The following BRINP1 variants were observed in gnomAD, a reference collection of about 807,000 sequenced individuals.
BRINP1 encodes BMP/retinoic acid inducible neural specific 1, also known as BMP/retinoic acid-inducible neural-specific protein 1.
In BRINP1, 17 loss-of-function variants were observed where a neutral mutation model predicts 72.9. The ratio of observed to expected loss-of-function variants is 0.23; its 90% CI spans 0.16 to 0.35. The LOEUF (loss-of-function observed/expected upper bound fraction) is 0.35. Among genes scored for constraint, BRINP1 ranks in the 10% least tolerant of loss-of-function variants. The pLI is 1.00. For synonymous variants in BRINP1, 418 were observed against 378.5 expected, an observed-to-expected ratio of 1.10 and a Z score of -1.21; for missense variants, 850 against 1,001.6, an observed-to-expected ratio of 0.85 and a Z score of 2.04.
chr9:119,291,873 C>G (rs1366026562), intron 2 of BRINP1, among the ~76,000 whole-genome samples: 1 of 152,202 alleles, frequency 6.6e-6, no homozygotes, highest in African/African-American at 2.4e-5. Context: ...GACCTTCTCT[C>G]TAACATCCTC....
chr9:119,228,830 A>T (rs191648895), intron 5 of BRINP1, among the ~76,000 whole-genome samples: 31 of 152,120 alleles, frequency 2.0e-4, no homozygotes, highest in African/African-American at 7.2e-4. Context: ...GGAATTTGGG[A>T]CCCCACGAAT....
At chr9:119,178,541 G>C (rs1403207546) in intron 7 of BRINP1, among the ~76,000 whole-genome samples, 1 of 152,148 alleles carries the variant, frequency 6.6e-6, no homozygotes, top group Non-Finnish European at 1.5e-5. Flanking sequence ...AGTTATCATG[G>C]ATAGTCATAA....
chr9:119,314,802 A>G (rs1158852609), intron 1 of BRINP1, among the ~76,000 whole-genome samples: 2 of 152,188 alleles, frequency 1.3e-5, no homozygotes, highest in African/African-American at 4.8e-5. Context: ...GGTTAATAAT[A>G]GCACCTACAC....
At chr9:119,170,075 T>G (rs1829384723) in intron 7 of BRINP1, among the ~76,000 whole-genome samples, 1 of 151,942 alleles carries the variant, frequency 6.6e-6, no homozygotes, top group South Asian at 2.1e-4. Context: ...GCAGAGCGCC[T>G]CTCCTCCTCC....
chr9:119,233,018 C>T (rs1830161864), intron 5 of BRINP1, among the ~76,000 whole-genome samples: 2 of 111,696 alleles, frequency 1.8e-5, no homozygotes, highest in South Asian at 6.3e-4. Flanking sequence ...CAATCCTGTT[C>T]TTTCTTTTTT....
At chr9:119,184,157 CCAAGTGAGTCAAT>C (rs1829588577) in intron 7 of BRINP1, among the ~76,000 whole-genome samples, 2 of 152,118 alleles carry the variant, frequency 1.3e-5, no homozygotes, top group African/African-American at 4.8e-5. Flanking sequence ...CTTGCATCAG[CCAAGTGAGTCAAT>C]TGCCCTACTT....
At chr9:119,284,431 CT>C (rs930578249) in intron 2 of BRINP1, among the ~76,000 whole-genome samples, 2 of 152,298 alleles carry the variant, frequency 1.3e-5, no homozygotes, top group African/African-American at 4.8e-5. Context: ...GATGTTGAAG[CT>C]TTAGGAGCCT....
At chr9:119,315,653 T>C (rs193110788) in intron 1 of BRINP1, among the ~76,000 whole-genome samples, 19 of 152,338 alleles carry the variant, frequency 1.2e-4, no homozygotes, top group African/African-American at 4.3e-4. Flanking sequence ...AAAGGCAAGA[T>C]AGGCTGGAAG....
At position 119,203,835 on chromosome 9, in the gene BRINP1, G is replaced by T. The variant is rs1180042920; in HGVS notation, c.1145+4884C>A. 3.3e-5 allele frequency among the ~76,000 whole-genome samples: 5 copies of T among 152,030 alleles called. No homozygotes were observed. In the East Asian group the frequency reaches 9.6e-4, roughly 29 times the overall value. ...TCCCTATATCTGATAGTCACCTCTA[G>T]CTCCAATTCTACTCAATTGCTATTG... On this transcript the variant is annotated intron_variant, in intron 7 of 7. Transcript: ENST00000265922.
chr9:119,261,516 A>C (rs76764987), intron 2 of BRINP1, among the ~76,000 whole-genome samples: 5,293 of 152,214 alleles, frequency 0.035, 298 homozygotes, highest in African/African-American at 0.12. Flanking sequence ...CTACTCCCAA[A>C]GTCTGAATTT....
chr9:119,167,539 A>G lies in BRINP1; in HGVS notation c.1831T>C (p.Phe611Leu), dbSNP rs1216887101. The stretch of plus-strand genomic sequence containing the variant: ...AGGTAGATGTGGACCGTCTCGAAAA[A>G]TGTTTTCCACCGATTGCCCAGCAAA... ...TLLLGNRWKT[F>L]FETVHIYLRS... Residue 611 changes from phenylalanine (F) to leucine (L), a missense_variant, in exon 8 of 8, where the codon TTT (phenylalanine) becomes CTT (leucine). Coordinates refer to ENST00000265922, the MANE Select transcript of BRINP1 (RefSeq NM_014618.3). This position sits in a 1 kb window ranked among gnomAD's most constrained non-coding sequence, Gnocchi z 4.3. 1 of 1,614,104 alleles carries G rather than the reference A, an allele frequency of 6.2e-7. No individual in the cohort carries two copies. Among genetic ancestry groups the G allele is most frequent in the African/African-American group, 1.3e-5 (1 of 75,032 alleles).
intron 2 of BRINP1, among the ~76,000 whole-genome samples, chr9:119,281,908 T>C (rs1830716654): frequency 6.6e-6 from 1 of 152,320 alleles, no homozygotes; most frequent in East Asian, 1.9e-4. Context: ...TATTGACAGG[T>C]ATTCAGCTTG....
At chr9:119,304,926 G>A (rs745355858) in intron 2 of BRINP1, among the ~76,000 whole-genome samples, 7 of 152,048 alleles carry the variant, frequency 4.6e-5, no homozygotes, top group Admixed American at 2.6e-4. Flanking sequence ...CTTTATATCC[G>A]TGCATGTCAG....
intron 1 of BRINP1, among the ~76,000 whole-genome samples, chr9:119,362,477 T>C (rs1166152293): frequency 6.6e-6 from 1 of 152,186 alleles, no homozygotes. Context: ...TCATGAATGA[T>C]AATTATTTAT....
chr9:119,284,137 C>G lies in BRINP1; in HGVS notation c.218+29001G>C, dbSNP rs554922396. 2.0e-5 allele frequency among the ~76,000 whole-genome samples: 3 copies of G among 152,290 alleles called. No homozygotes were observed. In the South Asian group the frequency reaches 6.2e-4, roughly 32 times the overall value. On this transcript the variant is annotated intron_variant, in intron 2 of 7. Transcript: ENST00000265922. ...CTCCACTCCCCTCCCATCTGGGTTT[C>G]GCTTTTTGCTCCTTTCTGCATCGCT...
intron 2 of BRINP1, among the ~76,000 whole-genome samples, chr9:119,280,081 T>A (rs1830694118): frequency 6.6e-6 from 1 of 152,136 alleles, no homozygotes; most frequent in Non-Finnish European, 1.5e-5. Context: ...TAGTAGATGA[T>A]CTTGGCAGAA....
At chr9:119,221,826 G>T (rs755181281) in intron 5 of BRINP1, among the ~76,000 whole-genome samples, 1 of 151,892 alleles carries the variant, frequency 6.6e-6, no homozygotes, top group African/African-American at 2.4e-5. Context: ...GATGAAGCAG[G>T]TTGCTTTGGT....
At chr9:119,247,223 A>C (rs1830329226) in intron 3 of BRINP1, among the ~76,000 whole-genome samples, 1 of 152,232 alleles carries the variant, frequency 6.6e-6, no homozygotes, top group African/African-American at 2.4e-5. Context: ...TTACAACAGA[A>C]TAGAATTTAC....
chr9:119,221,831 T>TAA (rs1830044248), intron 5 of BRINP1, among the ~76,000 whole-genome samples: 1 of 151,844 alleles, frequency 6.6e-6, no homozygotes, highest in Admixed American at 6.6e-5. Flanking sequence ...AGCAGGTTGC[T>TAA]TTGGTAGCAG....
Sources: allele counts gnomAD v4.1 joint callset (sites outside exome capture counted in the v4.1 genomes callset), GRCh38; gene constraint gnomAD v4.1.1; non-coding constraint Gnocchi (gnomAD v3.1); transcripts MANE v1.5; gene names NCBI Gene and HGNC (gene_info 2026-07-23, HGNC 2026-07-21).